Variants in MGAT4C observed in about 807,000 individuals in gnomAD.
The protein encoded by MGAT4C is MGAT4 family member C, also known as alpha-1,3-mannosyl-glycoprotein 4-beta-N-acetylglucosaminyltransferase C.
Under a neutral mutation model 40.1 loss-of-function variants are expected in MGAT4C, and 19 were observed. The observed-to-expected ratio is 0.47, with a 90% CI of 0.33 to 0.70. The LOEUF is 0.70. Among genes scored for constraint, MGAT4C ranks in the 30% least tolerant of loss-of-function variants. MGAT4C has a pLI of 0.02. For synonymous variants in MGAT4C, 181 were observed against 187.1 expected, an observed-to-expected ratio of 0.97 and a Z score of 0.27; for missense variants, 491 against 563.2, an observed-to-expected ratio of 0.87 and a Z score of 1.30.
chr12:86,481,062 GATC>G (rs1483267200), intron 2 of MGAT4C, among the ~76,000 whole-genome samples: 2 of 151,896 alleles, frequency 1.3e-5, no homozygotes, highest in Non-Finnish European at 2.9e-5. Context: ...TCCCAGCAGT[GATC>G]ATAACAAACA....
chr12:86,246,215 T>C (rs563348119), intron 1 of MGAT4C, among the ~76,000 whole-genome samples: 5 of 127,042 alleles, frequency 3.9e-5, no homozygotes, highest in Non-Finnish European at 7.9e-5. Context: ...AGACAGAGTC[T>C]CGCTCAGTTG....
rs755173153 is a variant in MGAT4C at position 86,508,600 on chromosome 12, T to A, written c.-228-73335A>T. Reference sequence around the variant, plus strand: ...GTAATGGGATGGCTGGGTCAAATGGTATTTCTAGTTCTAGATCCCTGAGGA... The same window carrying A: ...GTAATGGGATGGCTGGGTCAAATGGAATTTCTAGTTCTAGATCCCTGAGGA... On this transcript the variant is annotated intron_variant, in intron 2 of 7. Coordinates refer to the MGAT4C transcript ENST00000548651. Among the ~76,000 whole-genome samples, 804 of 152,138 alleles carry A rather than the reference T, an allele frequency of 5.3e-3. 2 individuals carry two copies. Among genetic ancestry groups the A allele is most frequent in the Non-Finnish European group, 8.3e-3 (567 of 68,006 alleles).
At chr12:86,705,230 CTAT>C (rs1950433529) in intron 2 of MGAT4C, among the ~76,000 whole-genome samples, 1 of 139,956 alleles carries the variant, frequency 7.1e-6, no homozygotes. Context: ...ATCTATCTAT[CTAT>C]CTATCTATCT....
intron 1 of MGAT4C, among the ~76,000 whole-genome samples, chr12:86,100,495 C>G (rs1214150273): frequency 6.6e-6 from 1 of 151,084 alleles, no homozygotes; most frequent in South Asian, 2.1e-4. Context: ...CCCCTTTTGC[C>G]TGCCCCCAAT....
intron 3 of MGAT4C, among the ~76,000 whole-genome samples, chr12:86,370,044 A>G (rs1301750078): frequency 6.6e-6 from 1 of 151,980 alleles, no homozygotes; most frequent in African/African-American, 2.4e-5. Context: ...TAAAAGAGGC[A>G]TATACCATAT....
intron 1 of MGAT4C, among the ~76,000 whole-genome samples, chr12:86,132,380 A>AT (rs1881318258): frequency 6.6e-6 from 1 of 151,786 alleles, no homozygotes; most frequent in Admixed American, 6.6e-5. Flanking sequence ...TTTTGCCTGA[A>AT]TTTTTCTATT....
intron 2 of MGAT4C, among the ~76,000 whole-genome samples, chr12:86,031,800 G>A (rs1890779752): frequency 6.6e-6 from 1 of 151,774 alleles, no homozygotes; most frequent in Admixed American, 6.6e-5. Context: ...GGGTACATAT[G>A]CAAGTTTGTC....
At chr12:86,404,827 A>C (rs1389851696) in intron 3 of MGAT4C, among the ~76,000 whole-genome samples, 1 of 152,196 alleles carries the variant, frequency 6.6e-6, no homozygotes, top group African/African-American at 2.4e-5. Context: ...CTTTGAAAGT[A>C]AAAATAGATA....
chr12:86,561,183 T>C (rs559875508), intron 2 of MGAT4C, among the ~76,000 whole-genome samples: 170 of 152,242 alleles, frequency 1.1e-3, no homozygotes, highest in African/African-American at 4.0e-3. Context: ...GTAAATGAGA[T>C]TTCTGTCAAA....
intron 3 of MGAT4C, among the ~76,000 whole-genome samples, chr12:86,341,554 C>A (rs551377696): frequency 6.6e-6 from 1 of 152,350 alleles, no homozygotes; most frequent in Admixed American, 6.5e-5. Context: ...CAAGATTAGA[C>A]CCACTGGCTT....
chr12:86,004,023 T>C (rs1887621736), intron 2 of MGAT4C, among the ~76,000 whole-genome samples: 1 of 152,144 alleles, frequency 6.6e-6, no homozygotes, highest in Non-Finnish European at 1.5e-5. Flanking sequence ...ATTTTACATG[T>C]TTTACAGTGT....
intron 2 of MGAT4C, among the ~76,000 whole-genome samples, chr12:86,515,863 C>G (rs2136353411): frequency 6.6e-6 from 1 of 152,000 alleles, no homozygotes; most frequent in African/African-American, 2.4e-5. Flanking sequence ...CTGCCTCAGC[C>G]TCCCGAGTAG....
intron 1 of MGAT4C, among the ~76,000 whole-genome samples, chr12:86,254,097 A>G (rs936076558): frequency 6.6e-6 from 1 of 151,984 alleles, no homozygotes; most frequent in Non-Finnish European, 1.5e-5. Flanking sequence ...GGCAGAGAAT[A>G]GGGCAGTACA....
chr12:86,256,619 A>G (rs185165079), upstream of MGAT4C, among the ~76,000 whole-genome samples: 43 of 152,272 alleles, frequency 2.8e-4, no homozygotes, highest in African/African-American at 1.0e-3. Context: ...CCCTCTAATT[A>G]TGCTAAGACT....
At chr12:86,183,513 A>C (rs1206290298) in intron 1 of MGAT4C, among the ~76,000 whole-genome samples, 1 of 152,220 alleles carries the variant, frequency 6.6e-6, no homozygotes, top group Non-Finnish European at 1.5e-5. Flanking sequence ...TACAGAACTT[A>C]ATAGAAATAG....
intron 4 of MGAT4C, among the ~76,000 whole-genome samples, chr12:86,279,583 A>C (rs1253117483): frequency 6.6e-6 from 1 of 150,844 alleles, no homozygotes; most frequent in Non-Finnish European, 1.5e-5. Context: ...CCTTTTCGAA[A>C]ACAAGCAACA....
intron 2 of MGAT4C, among the ~76,000 whole-genome samples, chr12:86,443,205 T>TACACAC (rs199586329): frequency 4.0e-5 from 6 of 150,308 alleles, no homozygotes; most frequent in African/African-American, 1.5e-4. Flanking sequence ...TGTATATATA[T>TACACAC]ACACACACAC....
At chr12:86,240,986 T>C (rs1951760629) in intron 1 of MGAT4C, among the ~76,000 whole-genome samples, 4 of 152,104 alleles carry the variant, frequency 2.6e-5, no homozygotes, top group Admixed American at 2.6e-4. Flanking sequence ...TTTTGAAGAA[T>C]ACAATCTCCC....
intron 1 of MGAT4C, among the ~76,000 whole-genome samples, chr12:86,201,460 T>G (rs1950046693): frequency 1.3e-5 from 1 of 78,428 alleles, no homozygotes; most frequent in Non-Finnish European, 3.0e-5. Flanking sequence ...TATTTACATA[T>G]ATAAAACATT....
Sources: gnomAD v4.1 joint callset for allele counts (sites outside exome capture counted in the v4.1 genomes callset) on GRCh38, gnomAD v4.1.1 for gene constraint, MANE v1.5 for transcripts, NCBI Gene and HGNC (gene_info 2026-07-23, HGNC 2026-07-21) for gene names.